Variants in ZNF106 observed in about 807,000 individuals in gnomAD.
The protein encoded by ZNF106 is SH3-domain binding protein 3.
In ZNF106, 67 loss-of-function variants were observed where a neutral mutation model predicts 195.1. The ratio of observed to expected loss-of-function variants is 0.34; its 90% CI spans 0.28 to 0.42. ZNF106 has a LOEUF of 0.42. Among genes scored for constraint, ZNF106 ranks in the 10% least tolerant of loss-of-function variants. The probability of loss-of-function intolerance (pLI) is 1.00; values close to 1 mark genes in which losing one functional copy is unlikely to be tolerated. For synonymous variants in ZNF106, 784 were observed against 818.6 expected (o/e 0.96, Z 0.72); for missense variants, 2,118 against 2,304.5 (o/e 0.92, Z 1.66).
rs1019207150 is a variant in ZNF106 at position 42,439,809 on chromosome 15, C to A, written c.3768G>T (p.Glu1256Asp). 1.9e-6 allele frequency: 3 copies of A among 1,548,758 alleles called. No individual in the cohort carries two copies. The Admixed American group carries it at 6.5e-5, about 34-fold the overall frequency. ...VSKELLEANR[E>D]ISDSCPVYPV... Reference sequence around the variant, plus strand: ...GATAAACTGGACAACTGTCACTGATCTCTCCTGAATTGAGAGGAAAAAAAT... The same window carrying A: ...GATAAACTGGACAACTGTCACTGATATCTCCTGAATTGAGAGGAAAAAAAT... The change falls in exon 11 of 22, where the codon GAG becomes GAT. Residue 1256 changes from glutamate to aspartate, a missense_variant. Transcript: ENST00000564754.
rs2054334426 is a variant in ZNF106, at chr15:42,413,374, T to G, written c.*3930A>C. 6.6e-6 allele frequency: 1 copy of G among 152,234 alleles called. No homozygotes were observed. The highest frequency in any genetic ancestry group is 1.5e-5 in the Non-Finnish European group (1 of 68,032). 9.4% of individuals were successfully genotyped at this position (152,234 alleles called of 1,614,324 possible). On this transcript the variant is annotated 3_prime_UTR_variant, in exon 22 of 22. Coordinates refer to ENST00000564754, the MANE Select transcript of ZNF106 (RefSeq NM_001366845.3). ...GGGGGCAGGGATAAAACCATTATTTTATAAATGTGGCAGGTATGGCCTTCG... is the reference window on the plus strand; with the variant it reads ...GGGGGCAGGGATAAAACCATTATTTGATAAATGTGGCAGGTATGGCCTTCG...
At chr15:42,433,996 G>C (rs1295121333) in intron 14 of ZNF106, among the ~76,000 whole-genome samples, 1 of 152,118 alleles carries the variant, frequency 6.6e-6, no homozygotes. Flanking sequence ...CTATAGGTGT[G>C]CATCACCACA....
Position 42,487,011 on chromosome 15 carries a change from A to T in ZNF106, c.-33+3969T>A, listed in dbSNP as rs183873892. On this transcript the variant is annotated intron_variant, in intron 1 of 21. Coordinates refer to ENST00000564754, the MANE Select transcript of ZNF106 (RefSeq NM_001366845.3). Reference sequence around the variant, plus strand: ...TAAAAATACAAAAAATTAGCCAGGCATGGTGGCAGGTGCCTGTAATCCCAG... The same window carrying T: ...TAAAAATACAAAAAATTAGCCAGGCTTGGTGGCAGGTGCCTGTAATCCCAG... Among the ~76,000 whole-genome samples, 1,221 of 152,082 alleles carry T rather than the reference A, an allele frequency of 8.0e-3. 23 individuals are homozygous for T. Among genetic ancestry groups the T allele is most frequent in the African/African-American group, 0.028 (1,175 of 41,500 alleles).
At chr15:42,438,183 T>A (rs1433272735) in intron 12 of ZNF106, among the ~76,000 whole-genome samples, 3 of 152,058 alleles carry the variant, frequency 2.0e-5, no homozygotes, top group African/African-American at 7.2e-5. Context: ...GGCCAGGAGT[T>A]CGAGACCAGC....
rs1015123773 is a variant in ZNF106, at chr15:42,450,925, G to A, written c.1347C>T (p.Phe449=). The change falls in exon 5 of 22, where the codon TTC becomes TTT. Residue 449 remains phenylalanine, a synonymous_variant. Coordinates refer to ENST00000564754, the MANE Select transcript of ZNF106 (RefSeq NM_001366845.3). ...CAGTGGGGCACTGTCTCACCACCTC[G>A]AAGGAAGCAGCGGAATCAGAAGAGG... ...HKASSDSAAS[F]EVVRQCPTAE... is the part of the protein sequence containing the mutation. The A allele has an allele frequency of 1.1e-5, 17 of 1,614,036 alleles. No individual in the cohort carries two copies. Among genetic ancestry groups the A allele is most frequent in the Middle Eastern group, 1.6e-4 (1 of 6,084 alleles).
intron 16 of ZNF106, 60 bp downstream of exon 16, chr15:42,424,774 C>A: frequency 6.5e-7 from 1 of 1,542,754 alleles, no homozygotes. Flanking sequence ...GCCACCTCGC[C>A]TGGCCTCAAA....
rs546912849 is a variant in ZNF106 at position 42,415,122 on chromosome 15, CT to C, written c.*2181del. 0.015 allele frequency: 2,368 copies of C among 161,510 alleles called. 4 individuals carry two copies. The highest frequency in any genetic ancestry group is 0.032 in the East Asian group (176 of 5,536). The allele number at this position is 161,510 out of a possible 1,614,324, so 10.0% of individuals were successfully genotyped here. A position where few individuals can be genotyped will look rare whatever the true frequency, so the allele number is the denominator to read the frequency against. ...CCATTCATTATCTCCTAGATTAACT[CT>C]TTTTTTTTTTTTTTTGAGGTGGAGT... On this transcript the variant is annotated 3_prime_UTR_variant, in exon 22 of 22. Transcript: ENST00000564754.
intron 2 of ZNF106, among the ~76,000 whole-genome samples, chr15:42,469,180 C>T (rs979381744): frequency 3.3e-5 from 5 of 151,508 alleles, no homozygotes; most frequent in Admixed American, 3.3e-4. Context: ...AGCAAAACGC[C>T]GTCTAAAAAA....
rs1197111144 is a variant in ZNF106 at position 42,442,397 on chromosome 15, C to A, written c.3439G>T (p.Glu1147Ter). 4 of 1,612,674 alleles carry A rather than the reference C, an allele frequency of 2.5e-6. No individual in the cohort carries two copies. In the African/African-American group the frequency reaches 4.0e-5, roughly 16 times the overall value. ...QGLQETYEPS[E>*]HPDQVPCSLT... ...CTACAGGGAACCTGGTCTGGGTGCT[C>A]AGAAGGTTCATATGTTTCTAGAATG... Residue 1147 changes from glutamate to a stop codon, truncating the protein, a stop_gained, in exon 10 of 22, where the codon GAG (glutamate) becomes TAG (stop). Coordinates refer to ENST00000564754, the MANE Select transcript of ZNF106 (RefSeq NM_001366845.3). LOFTEE classifies it high-confidence loss of function.
intron 17 of ZNF106, among the ~76,000 whole-genome samples, chr15:42,422,964 C>T (rs1005979752): frequency 6.6e-6 from 1 of 152,096 alleles, no homozygotes; most frequent in Non-Finnish European, 1.5e-5. Flanking sequence ...ACAAGTCTAT[C>T]AGGTGGGAAT....
At chr15:42,421,197 C>T in intron 19 of ZNF106, 65 bp from the exon 20 acceptor site, 1 of 1,421,580 alleles carries the variant, frequency 7.0e-7, no homozygotes, top group Non-Finnish European at 9.9e-7. Context: ...ACCCTCAAAA[C>T]AAGAGTCACA....
chr15:42,440,418 T>A (rs1250894715), intron 10 of ZNF106, among the ~76,000 whole-genome samples: 1 of 152,182 alleles, frequency 6.6e-6, no homozygotes, highest in Non-Finnish European at 1.5e-5. Flanking sequence ...TTAGCCAGAT[T>A]ATGCAACTAT....
At chr15:42,469,151 C>T (rs576947839) in intron 2 of ZNF106, among the ~76,000 whole-genome samples, 1 of 152,108 alleles carries the variant, frequency 6.6e-6, no homozygotes, top group African/African-American at 2.4e-5. Context: ...CACCATTGCA[C>T]TCCAGCCTGG....
At chr15:42,474,268 T>G (rs1291572971) in intron 1 of ZNF106, among the ~76,000 whole-genome samples, 1 of 152,244 alleles carries the variant, frequency 6.6e-6, no homozygotes, top group Admixed American at 6.5e-5. Context: ...TTTGTTATTC[T>G]CTGTCTCTGC....
At chr15:42,476,550 C>T (rs1343837295) in intron 1 of ZNF106, among the ~76,000 whole-genome samples, 1 of 152,216 alleles carries the variant, frequency 6.6e-6, no homozygotes, top group Non-Finnish European at 1.5e-5. Context: ...ATCCACCAGC[C>T]TCGGCCTCCC....
At chr15:42,475,000 G>A (rs981490348) in intron 1 of ZNF106, among the ~76,000 whole-genome samples, 1 of 152,068 alleles carries the variant, frequency 6.6e-6, no homozygotes, top group African/African-American at 2.4e-5. Flanking sequence ...ACATAATGAG[G>A]TTACAAACTA....
At chr15:42,490,084 G>C (rs542401015) in intron 1 of ZNF106, among the ~76,000 whole-genome samples, 2 of 151,566 alleles carry the variant, frequency 1.3e-5, no homozygotes, top group East Asian at 3.9e-4. Flanking sequence ...CAAAAAATTA[G>C]CCAGGTATGG....
intron 10 of ZNF106, 82 bp downstream of exon 10, chr15:42,441,991 C>T (rs2055551122): frequency 2.7e-6 from 3 of 1,110,008 alleles, no homozygotes; most frequent in Non-Finnish European, 3.9e-6. Context: ...TTTTAATGAG[C>T]AAGTATGGCT....
In ZNF106 at chr15:42,450,843, G is replaced by A. The variant is rs1008378787; in HGVS notation, c.1429C>T (p.Leu477Phe). The change falls in exon 5 of 22, where the codon CTC becomes TTC. Residue 477 changes from leucine (L) to phenylalanine (F), a missense_variant. Coordinates refer to ENST00000564754, the MANE Select transcript of ZNF106 (RefSeq NM_001366845.3). ...PNKMPSLKSPLLPCPATKSLS... is the reference protein window; with the variant it reads ...PNKMPSLKSPFLPCPATKSLS... The stretch of plus-strand genomic sequence containing the variant: ...GATTTAGTGGCTGGACATGGAAGGA[G>A]TGGGGATTTCAATGATGGCATTTTA... 6.2e-7 allele frequency: 1 copy of A among 1,614,084 alleles called. No homozygotes were observed. The highest frequency in any genetic ancestry group is 1.3e-5 in the African/African-American group (1 of 74,934).
Sources: allele counts gnomAD v4.1 joint callset (sites outside exome capture counted in the v4.1 genomes callset), GRCh38; gene constraint gnomAD v4.1.1; transcripts MANE v1.5; gene names NCBI Gene and HGNC (gene_info 2026-07-23, HGNC 2026-07-21).